TG: variants seen among roughly 807,000 people sequenced by gnomAD.
TG encodes the protein thyroid hormones.
A neutral mutation model predicts 324.7 loss-of-function variants in TG; 270 were observed. That is an observed-to-expected ratio of 0.83 (90% CI 0.75 to 0.92). The LOEUF is 0.92. Among genes scored for constraint, TG ranks in the 40% least tolerant of loss-of-function variants. The pLI, the probability that TG is intolerant of heterozygous loss-of-function variation, is 0.00. For synonymous variants in TG, 1,401 were observed against 1,327.0 expected (o/e 1.06, Z -1.21); for missense variants, 3,591 against 3,456.4 (o/e 1.04, Z -0.98).
At chr8:132,969,377 T>C (rs1829136109) in intron 31 of TG, 81 bp from the exon 32 acceptor site, 1 of 961,948 alleles carries the variant, frequency 1.0e-6, no homozygotes, top group South Asian at 1.3e-5. Flanking sequence ...ACTTTCAGTC[T>C]GTATTTTACT....
At position 133,029,977 on chromosome 8, in the gene TG, C is replaced by T. The variant is rs764687255; in HGVS notation, c.7193C>T (p.Thr2398Met). 2.7e-5 allele frequency: 43 copies of T among 1,614,108 alleles called. No homozygotes were observed. The highest frequency in any genetic ancestry group is 2.0e-4 in the Admixed American group (12 of 60,014). ...GADVASIHLL[T>M]ARATNSQLFR... Reference sequence around the variant, plus strand: ...GATGTGGCCAGCATCCACCTTCTCACGGCCAGGGCCACCAACTCCCAACTT... The same window carrying T: ...GATGTGGCCAGCATCCACCTTCTCATGGCCAGGGCCACCAACTCCCAACTT... The change falls in exon 41 of 48, where the codon ACG (threonine) becomes ATG (methionine). Residue 2398 changes from threonine (T) to methionine (M), a missense_variant. Physicochemically the swap from Thr to Met is moderately conservative, Grantham distance 81 (BLOSUM62 -1). Coordinates refer to ENST00000220616, the MANE Select transcript of TG (RefSeq NM_003235.5).
At position 132,888,482 on chromosome 8, in the gene TG, A is replaced by C; in HGVS notation, c.2675A>C (p.His892Pro). Residue 892 changes from histidine (H) to proline (P), a missense_variant, in exon 10 of 48, where the codon CAT (histidine) becomes CCT (proline). Physicochemically the swap from His to Pro is moderately conservative, Grantham distance 77. Coordinates refer to ENST00000220616, the MANE Select transcript of TG (RefSeq NM_003235.5). ...TCAGACTTCAGCACTCCTTTGGCAC[A>C]TTTTGATCTTCGGAACTGCTGGTGT... ...SYSDFSTPLA[H>P]FDLRNCWCVD... 1 of 1,610,700 alleles carries C rather than the reference A, an allele frequency of 6.2e-7. No individual in the cohort carries two copies. The highest frequency in any genetic ancestry group is 8.5e-7 in the Non-Finnish European group (1 of 1,178,432).
chr8:133,010,214 G>A (rs755738888), intron 35 of TG, among the ~76,000 whole-genome samples: 1 of 152,132 alleles, frequency 6.6e-6, no homozygotes, highest in Non-Finnish European at 1.5e-5. Context: ...TCTGAAAAAT[G>A]TCATATAACT....
At chr8:133,131,777 G>C in intron 45 of TG, 35 bp from the exon 46 acceptor site, 2 of 1,613,522 alleles carry the variant, frequency 1.2e-6, no homozygotes, top group South Asian at 2.2e-5. Flanking sequence ...ACTTTCTCTT[G>C]ACCTTTTGCT....
chr8:133,108,898 G>A (rs1280355984), intron 43 of TG, among the ~76,000 whole-genome samples: 1 of 152,236 alleles, frequency 6.6e-6, no homozygotes, highest in Admixed American at 6.5e-5. Flanking sequence ...GCCCGGGACA[G>A]GTTAATAATC....
intron 38 of TG, among the ~76,000 whole-genome samples, chr8:133,018,346 T>C (rs1332821650): frequency 6.6e-6 from 1 of 152,088 alleles, no homozygotes; most frequent in African/African-American, 2.4e-5. Flanking sequence ...TGTGAAATAA[T>C]TGACAGGAGA....
At chr8:132,938,022 T>A (rs1234552072) in intron 25 of TG, among the ~76,000 whole-genome samples, 1 of 152,060 alleles carries the variant, frequency 6.6e-6, no homozygotes, top group Non-Finnish European at 1.5e-5. Flanking sequence ...GTAAGTTGGG[T>A]CTGGCTTCCA....
intron 26 of TG, among the ~76,000 whole-genome samples, chr8:132,944,449 C>G (rs757530187): frequency 4.6e-5 from 7 of 152,178 alleles, no homozygotes; most frequent in Admixed American, 2.0e-4. Context: ...GTCCACATAT[C>G]CATCTCCCTG....
Position 133,116,670 on chromosome 8 carries a change from G to A in TG, c.7816G>A (p.Gly2606Arg), listed in dbSNP as rs768687340. The A allele has an allele frequency of 1.2e-6, 2 of 1,614,228 alleles. No individual in the cohort carries two copies. The highest frequency in any genetic ancestry group is 1.7e-6 in the Non-Finnish European group (2 of 1,180,050). The change falls in exon 45 of 48, where the codon GGA (glycine) becomes AGA (arginine). Residue 2606 changes from glycine to arginine, a missense_variant. Coordinates refer to ENST00000220616, the MANE Select transcript of TG (RefSeq NM_003235.5). ...CAGTGCCTGGGCAAAGAGGGCCCGA[G>A]GAAACGTCTTCATGTACCATGCTCC... ...MASAWAKRAR[G>R]NVFMYHAPEN...
At chr8:133,009,534 C>CT (rs1427648919) in intron 35 of TG, among the ~76,000 whole-genome samples, 3 of 151,770 alleles carry the variant, frequency 2.0e-5, no homozygotes, top group Admixed American at 2.0e-4. Flanking sequence ...TTTTTTCTTT[C>CT]TTTTTTTAAT....
chr8:133,126,187 T>C (rs1851504579), intron 45 of TG, among the ~76,000 whole-genome samples: 1 of 152,188 alleles, frequency 6.6e-6, no homozygotes, highest in African/African-American at 2.4e-5. Context: ...AGCTGGAAAA[T>C]GCTGTTTGGA....
chr8:132,983,531 C>T (rs894950619), intron 35 of TG, 119 bp downstream of exon 35: 10 of 1,026,986 alleles, frequency 9.7e-6, no homozygotes, highest in Admixed American at 6.8e-5. Flanking sequence ...GCATTAATTC[C>T]AGCTCCTATG....
intron 27 of TG, among the ~76,000 whole-genome samples, chr8:132,950,164 C>A (rs973866548): frequency 2.6e-5 from 4 of 152,210 alleles, no homozygotes; most frequent in Non-Finnish European, 4.4e-5. Flanking sequence ...GCCAGCTGTT[C>A]CTTTTGTTCT....
Position 132,893,821 on chromosome 8 carries a change from C to T in TG, c.2893C>T (p.Leu965=). The T allele has an allele frequency of 1.2e-6, 2 of 1,614,042 alleles. No homozygotes were observed. Among genetic ancestry groups the T allele is most frequent in the South Asian group, 1.1e-5 (1 of 91,090 alleles). The change falls in exon 11 of 48, where the codon CTG becomes TTG. Residue 965 remains leucine (L), a synonymous_variant. Coordinates refer to ENST00000220616, the MANE Select transcript of TG (RefSeq NM_003235.5). ...ESFLVAKGIR[L]RNEDLGLPPL... ...TTTCCTGGTGGCCAAGGGAATCCGGCTGAGGAATGAGGACCTCGGCCTTCC... is the reference window on the plus strand; with the variant it reads ...TTTCCTGGTGGCCAAGGGAATCCGGTTGAGGAATGAGGACCTCGGCCTTCC...
chr8:133,113,565 C>G lies in TG; in HGVS notation c.7716C>G (p.Asp2572Glu). ...ACTCTCTGGAGCACTCCACGGATGA[C>G]TATGCCTCCTTCTCCCGGGCTCTGG... ...WYYSLEHSTDDYASFSRALEN... is the reference protein window; with the variant it reads ...WYYSLEHSTDEYASFSRALEN... The change falls in exon 44 of 48, where the codon GAC becomes GAG. Residue 2572 changes from aspartate to glutamate, a missense_variant. Physicochemically the swap from Asp to Glu is conservative, Grantham distance 45 (BLOSUM62 2). Coordinates refer to ENST00000220616, the MANE Select transcript of TG (RefSeq NM_003235.5). 2 of 1,614,186 alleles carry G rather than the reference C, an allele frequency of 1.2e-6. No individual in the cohort carries two copies. The highest frequency in any genetic ancestry group is 2.2e-5 in the South Asian group (2 of 91,086).
chr8:132,898,336 C>A, intron 13 of TG, 90 bp downstream of exon 13: 9 of 1,262,768 alleles, frequency 7.1e-6, no homozygotes, highest in Non-Finnish European at 1.0e-5. Flanking sequence ...GCTGGAGACT[C>A]CATGGCCCAG....
intron 35 of TG, among the ~76,000 whole-genome samples, chr8:132,999,565 C>G (rs13264468): frequency 0.32 from 48,990 of 152,108 alleles, 8,105 homozygotes; most frequent in Non-Finnish European, 0.35. Flanking sequence ...TTCATGCTCT[C>G]TCTCAGATCT....
Position 132,913,103 on chromosome 8 carries a change from G to C in TG, c.4216G>C (p.Gly1406Arg). 1 of 1,614,176 alleles carries C rather than the reference G, an allele frequency of 6.2e-7. No homozygotes were observed. Among genetic ancestry groups the C allele is most frequent in the Middle Eastern group, 1.6e-4 (1 of 6,062 alleles). Residue 1406 changes from glycine to arginine, a missense_variant, in exon 20 of 48, where the codon GGC (glycine) becomes CGC (arginine). Coordinates refer to ENST00000220616, the MANE Select transcript of TG (RefSeq NM_003235.5). The stretch of plus-strand genomic sequence containing the variant: ...GCGCTTCACAGATCTGATCCAGAGT[G>C]GCTCATTCCAGCTTCATCTGGACTC... ...LGRFTDLIQSGSFQLHLDSKT... is the reference protein window; with the variant it reads ...LGRFTDLIQSRSFQLHLDSKT...
intron 10 of TG, among the ~76,000 whole-genome samples, chr8:132,889,483 G>T (rs756675977): frequency 8.5e-5 from 13 of 152,186 alleles, no homozygotes; most frequent in African/African-American, 3.1e-4. Context: ...TGATGAGAAC[G>T]GTAATACCCT....
Sources: gnomAD v4.1 joint callset for allele counts (sites outside exome capture counted in the v4.1 genomes callset) on GRCh38, gnomAD v4.1.1 for gene constraint, MANE v1.5 for transcripts, NCBI Gene and HGNC (gene_info 2026-07-23, HGNC 2026-07-21) for gene names.